TPST1: variants seen among roughly 807,000 people sequenced by gnomAD.
TPST1 encodes the protein tyrosylprotein sulfotransferase 1.
Under a neutral mutation model 34.8 loss-of-function variants are expected in TPST1, and 20 were observed. That is an observed-to-expected ratio of 0.57 (90% CI 0.40 to 0.84). The LOEUF is 0.84. Ranked by LOEUF, TPST1 falls within the 40% of genes least tolerant of loss-of-function variation. The pLI is 0.00. For synonymous variants in TPST1, 152 were observed against 159.4 expected, an observed-to-expected ratio of 0.95 and a Z score of 0.35; for missense variants, 353 against 455.5, an observed-to-expected ratio of 0.78 and a Z score of 2.05.
At chr7:66,253,561 C>T (rs184833065) in intron 2 of TPST1, among the ~76,000 whole-genome samples, 344 of 151,298 alleles carry the variant, frequency 2.3e-3, no homozygotes, top group African/African-American at 7.6e-3. Context: ...TTAGTAGAGA[C>T]GGGATTTCAC....
At chr7:66,349,580 A>G (rs1236972358) in intron 3 of TPST1, among the ~76,000 whole-genome samples, 1 of 151,980 alleles carries the variant, frequency 6.6e-6, no homozygotes. Context: ...TCAAAACAAC[A>G]ACAACAACAA....
At chr7:66,225,889 T>C (rs1789645126) in intron 1 of TPST1, among the ~76,000 whole-genome samples, 1 of 151,964 alleles carries the variant, frequency 6.6e-6, no homozygotes, top group African/African-American at 2.4e-5. Flanking sequence ...TTGTTTTTGT[T>C]TTTGTTTTTG....
At position 66,236,888 on chromosome 7, in the gene TPST1, A is replaced by T. The variant is rs538331977; in HGVS notation, c.-101-3437A>T. Among the ~76,000 whole-genome samples, 10 of 152,282 alleles carry T rather than the reference A, an allele frequency of 6.6e-5. No homozygotes were observed. In the South Asian group the frequency reaches 1.5e-3, roughly 22 times the overall value. On this transcript the variant is annotated intron_variant, in intron 1 of 5. Coordinates refer to ENST00000304842, the MANE Select transcript of TPST1 (RefSeq NM_003596.4). Reference sequence around the variant, plus strand: ...CTGCATAGCTTAGTGATCAGTGGTCACCCAGTGCTTGGACAGTGGTTGCCT... The same window carrying T: ...CTGCATAGCTTAGTGATCAGTGGTCTCCCAGTGCTTGGACAGTGGTTGCCT...
At position 66,338,455 on chromosome 7, in the gene TPST1, A is replaced by G. The variant is rs575705656; in HGVS notation, c.1045-14050A>G. ...AAAGAAACAAAGAAACGTAGACATT[A>G]AACTGTACTCTGGACCAAATGGACC... On this transcript the variant is annotated intron_variant, in intron 3 of 5. Transcript: ENST00000304842. Among the ~76,000 whole-genome samples the G allele has an allele frequency of 1.3e-5, 2 of 152,356 alleles. 1 individual carries two copies. Among genetic ancestry groups the G allele is most frequent in the South Asian group, 4.1e-4 (2 of 4,832 alleles).
intron 1 of TPST1, among the ~76,000 whole-genome samples, chr7:66,220,366 C>A (rs1425076382): frequency 2.0e-5 from 3 of 151,968 alleles, no homozygotes; most frequent in Non-Finnish European, 2.9e-5. Context: ...ATCTAAAATT[C>A]ATTAATTCAT....
chr7:66,265,781 C>T (rs1790580911), intron 2 of TPST1, among the ~76,000 whole-genome samples: 1 of 152,120 alleles, frequency 6.6e-6, no homozygotes, highest in Admixed American at 6.5e-5. Flanking sequence ...AGGGTAACCT[C>T]AGTAAGATGA....
At chr7:66,237,482 G>A (rs1298174426) in intron 1 of TPST1, among the ~76,000 whole-genome samples, 3 of 152,148 alleles carry the variant, frequency 2.0e-5, no homozygotes, top group Non-Finnish European at 2.9e-5. Context: ...GCTGTAGCTG[G>A]AAGTCTTCCC....
At chr7:66,200,263 A>G in the TPST1 span, among the ~76,000 whole-genome samples, 1 of 151,680 alleles carries the variant, frequency 6.6e-6, no homozygotes, top group South Asian at 2.1e-4. Flanking sequence ...GAGGAGAGAG[A>G]CTCGCAGCTC....
Position 66,286,550 on chromosome 7 carries a change from T to C in TPST1, c.885T>C (p.Asn295=), listed in dbSNP as rs1791038387. The C allele has an allele frequency of 3.7e-6, 6 of 1,606,390 alleles. No individual in the cohort carries two copies. In the South Asian group the frequency reaches 5.5e-5, roughly 15 times the overall value. ...RSTDQVIKPV[N]VGALSKWVGK... ...CAGACCAAGTAATCAAGCCAGTCAA[T>C]GTAGGAGCTCTATCAAAATGGGTTG... Residue 295 remains asparagine, a synonymous_variant, in exon 3 of 6, where the codon AAT becomes AAC. Transcript: ENST00000304842.
chr7:66,222,092 T>G (rs2116292559), intron 1 of TPST1, among the ~76,000 whole-genome samples: 1 of 152,310 alleles, frequency 6.6e-6, no homozygotes, highest in South Asian at 2.1e-4. Flanking sequence ...GTCTATAAAT[T>G]CCTTGCTTAG....
intron 3 of TPST1, among the ~76,000 whole-genome samples, chr7:66,343,400 C>T (rs1322657500): frequency 1.3e-5 from 2 of 152,024 alleles, no homozygotes; most frequent in Non-Finnish European, 2.9e-5. Context: ...CTGGGTACTG[C>T]AAGAGACAGG....
chr7:66,290,475 TTAA>T (rs1791094469), intron 3 of TPST1, among the ~76,000 whole-genome samples: 1 of 5,412 alleles, frequency 1.8e-4, no homozygotes, highest in Non-Finnish European at 3.6e-4. Context: ...TCTTCCATTA[TTAA>T]TGTGTGGGAG....
At chr7:66,218,442 T>C (rs1462541108) in intron 1 of TPST1, among the ~76,000 whole-genome samples, 2 of 152,230 alleles carry the variant, frequency 1.3e-5, no homozygotes, top group Non-Finnish European at 2.9e-5. Flanking sequence ...AGTAAGAATT[T>C]TCTACCCTGT....
At chr7:66,273,529 T>C (rs2115821518) in intron 2 of TPST1, among the ~76,000 whole-genome samples, 1 of 152,288 alleles carries the variant, frequency 6.6e-6, no homozygotes, top group South Asian at 2.1e-4. Context: ...CAAAATATAC[T>C]GTAAAGCTAT....
At chr7:66,281,391 TC>T (rs1790929671) in intron 2 of TPST1, among the ~76,000 whole-genome samples, 1 of 152,204 alleles carries the variant, frequency 6.6e-6, no homozygotes, top group African/African-American at 2.4e-5. Context: ...GGGAATAGTT[TC>T]AGTAGGTTTG....
In TPST1 at chr7:66,332,187, A is replaced by G. The variant is rs1007834936; in HGVS notation, c.1045-20318A>G. Among the ~76,000 whole-genome samples, 27 of 152,152 alleles carry G rather than the reference A, an allele frequency of 1.8e-4. No homozygotes were observed. The highest frequency in any genetic ancestry group is 6.5e-4 in the African/African-American group (27 of 41,488). On this transcript the variant is annotated intron_variant, in intron 3 of 5. Transcript: ENST00000304842. The surrounding 1 kb of genome is among the most constrained non-coding windows in gnomAD (Gnocchi z 4.5). Reference sequence around the variant, plus strand: ...CAAAACCGGCCCAAAGTTGGGGACTACTGCTATAGAGAATTGGATCTGCGG... The same window carrying G: ...CAAAACCGGCCCAAAGTTGGGGACTGCTGCTATAGAGAATTGGATCTGCGG...
At chr7:66,321,969 A>G (rs1791766302) in intron 3 of TPST1, among the ~76,000 whole-genome samples, 1 of 152,032 alleles carries the variant, frequency 6.6e-6, no homozygotes, top group Non-Finnish European at 1.5e-5. Context: ...ACATGTTTTG[A>G]TATGTACACT....
At chr7:66,355,389 C>T (rs1279998883) in intron 4 of TPST1, among the ~76,000 whole-genome samples, 4 of 151,572 alleles carry the variant, frequency 2.6e-5, no homozygotes, top group Admixed American at 1.3e-4. Context: ...GCAGGACAAT[C>T]GCTTGAACTC....
chr7:66,264,612 T>C (rs1005713079), intron 2 of TPST1, among the ~76,000 whole-genome samples: 1 of 152,188 alleles, frequency 6.6e-6, no homozygotes, highest in South Asian at 2.1e-4. Context: ...GGAATACAGA[T>C]TTTACAGAAT....
Sources: gnomAD v4.1 joint callset for allele counts (sites outside exome capture counted in the v4.1 genomes callset) on GRCh38, gnomAD v4.1.1 for gene constraint, Gnocchi (gnomAD v3.1) non-coding constraint, MANE v1.5 for transcripts, NCBI Gene and HGNC (gene_info 2026-07-23, HGNC 2026-07-21) for gene names.